SPIDR: variants seen among roughly 807,000 people sequenced by gnomAD.
SPIDR encodes the protein DNA repair-scaffolding protein.
Under a neutral mutation model 104.6 loss-of-function variants are expected in SPIDR, and 93 were observed. That is an observed-to-expected ratio of 0.89 (90% CI 0.75 to 1.06). The LOEUF (loss-of-function observed/expected upper bound fraction) is 1.06. SPIDR is among the 50% of genes least tolerant of loss of function. The pLI is 0.00. For synonymous variants in SPIDR, 431 were observed against 416.9 expected (o/e 1.03, Z -0.41); for missense variants, 1,154 against 1,111.2 (o/e 1.04, Z -0.55).
At chr8:47,597,289 A>G (rs1420709899) in intron 9 of SPIDR, among the ~76,000 whole-genome samples, 4 of 152,106 alleles carry the variant, frequency 2.6e-5, no homozygotes, top group South Asian at 2.1e-4. Context: ...ATATGTATAC[A>G]TGTTCCATGT....
intron 11 of SPIDR, among the ~76,000 whole-genome samples, chr8:47,685,501 A>G (rs565952121): frequency 1.8e-5 from 2 of 110,298 alleles, no homozygotes; most frequent in South Asian, 2.6e-4. Flanking sequence ...TTATTTATTT[A>G]TTTATTTATT....
chr8:47,445,309 C>T (rs554353559), intron 8 of SPIDR, among the ~76,000 whole-genome samples: 12 of 152,190 alleles, frequency 7.9e-5, no homozygotes, highest in Admixed American at 1.3e-4. Context: ...TATGGTGATC[C>T]GTGATAAGTG....
intron 11 of SPIDR, among the ~76,000 whole-genome samples, chr8:47,676,333 T>C (rs1232290943): frequency 6.6e-6 from 1 of 152,214 alleles, no homozygotes; most frequent in Non-Finnish European, 1.5e-5. Context: ...GTTGAGATTA[T>C]TTTATATATT....
At chr8:47,713,205 C>G (rs781050519) in intron 15 of SPIDR, 27 of 616,638 alleles carry the variant, frequency 4.4e-5, no homozygotes, top group Non-Finnish European at 6.3e-5. Context: ...AGGGATCAAA[C>G]TAAAATCCTG....
chr8:47,481,641 G>A (rs1274009856), intron 8 of SPIDR, among the ~76,000 whole-genome samples: 1 of 152,124 alleles, frequency 6.6e-6, no homozygotes, highest in African/African-American at 2.4e-5. Context: ...TGTTCAATGT[G>A]TATTTAATGA....
intron 8 of SPIDR, among the ~76,000 whole-genome samples, chr8:47,586,839 G>C (rs1240019205): frequency 6.6e-6 from 1 of 152,168 alleles, no homozygotes; most frequent in Non-Finnish European, 1.5e-5. Context: ...CAAGACCTCA[G>C]CTCACTGCAA....
intron 5 of SPIDR, among the ~76,000 whole-genome samples, chr8:47,320,698 A>G (rs183461875): frequency 1.6e-4 from 24 of 152,350 alleles, no homozygotes; most frequent in Admixed American, 1.4e-3. Context: ...AAAATCCTCA[A>G]TAAAATACTG....
intron 10 of SPIDR, among the ~76,000 whole-genome samples, chr8:47,643,479 G>T (rs968225914): frequency 6.6e-6 from 1 of 152,016 alleles, no homozygotes; most frequent in African/African-American, 2.4e-5. Context: ...CTCCAGAGTA[G>T]CTGGGACTTA....
chr8:47,694,071 T>A (rs151081843), intron 11 of SPIDR, among the ~76,000 whole-genome samples: 1 of 152,296 alleles, frequency 6.6e-6, no homozygotes, highest in African/African-American at 2.4e-5. Context: ...CTACTATTTT[T>A]ATGTCGAGTG....
chr8:47,388,222 CTTTAT>C (rs2060181087), intron 5 of SPIDR: 1 of 152,110 alleles, frequency 6.6e-6, no homozygotes, highest in African/African-American at 2.4e-5. Context: ...CTTATATCTG[CTTTAT>C]TTTATTTCAA....
At chr8:47,619,137 T>C (rs2064767372) in intron 10 of SPIDR, among the ~76,000 whole-genome samples, 1 of 152,196 alleles carries the variant, frequency 6.6e-6, no homozygotes, top group Admixed American at 6.5e-5. Context: ...AACAGAGTCC[T>C]GGCCAGCTTT....
chr8:47,628,823 G>A (rs2066600573), intron 10 of SPIDR, among the ~76,000 whole-genome samples: 1 of 152,166 alleles, frequency 6.6e-6, no homozygotes, highest in Non-Finnish European at 1.5e-5. Flanking sequence ...AATGTTTGTT[G>A]GTTTTTTGGT....
At chr8:47,713,177 C>T in intron 15 of SPIDR, 1 of 668,954 alleles carries the variant, frequency 1.5e-6, no homozygotes, top group Non-Finnish European at 2.3e-6. Flanking sequence ...ATACTTAGAT[C>T]AGCCAGCCCC....
At chr8:47,422,516 C>T in intron 7 of SPIDR, among the ~76,000 whole-genome samples, 1 of 152,222 alleles carries the variant, frequency 6.6e-6, no homozygotes. Context: ...TCACCCCTTT[C>T]CTTAGCTAGG....
At chr8:47,371,628 A>G (rs1047003886) in intron 5 of SPIDR, among the ~76,000 whole-genome samples, 20 of 152,156 alleles carry the variant, frequency 1.3e-4, no homozygotes, top group Admixed American at 1.3e-3. Flanking sequence ...CACGTTTTGG[A>G]TTAGATTTCA....
intron 8 of SPIDR, among the ~76,000 whole-genome samples, chr8:47,506,445 T>G (rs573209735): frequency 4.6e-5 from 7 of 152,360 alleles, no homozygotes; most frequent in Admixed American, 3.9e-4. Flanking sequence ...GTGATCGTTC[T>G]TTCTTTCTCT....
intron 11 of SPIDR, among the ~76,000 whole-genome samples, chr8:47,697,316 A>T (rs944386636): frequency 1.3e-5 from 2 of 152,054 alleles, no homozygotes; most frequent in African/African-American, 4.8e-5. Context: ...AGATAAAAAC[A>T]ACACTTATAT....
At chr8:47,664,502 A>G (rs994847311) in intron 10 of SPIDR, among the ~76,000 whole-genome samples, 1 of 152,192 alleles carries the variant, frequency 6.6e-6, no homozygotes, top group African/African-American at 2.4e-5. Context: ...CTATGAAAAG[A>G]ACCAAATAGA....
At chr8:47,640,779 G>A (rs544107333) in intron 10 of SPIDR, among the ~76,000 whole-genome samples, 1 of 130,294 alleles carries the variant, frequency 7.7e-6, no homozygotes, top group South Asian at 2.7e-4. Context: ...CTGGGTTCAA[G>A]CAGTTCTCCT....
Sources: allele counts gnomAD v4.1 joint callset (sites outside exome capture counted in the v4.1 genomes callset), GRCh38; gene constraint gnomAD v4.1.1; transcripts MANE v1.5; gene names NCBI Gene and HGNC (gene_info 2026-07-23, HGNC 2026-07-21).